The following ST6GAL1 variants were observed in gnomAD, a reference collection of about 807,000 sequenced individuals.
The protein encoded by ST6GAL1 is beta-galactoside alpha-2,6-sialyltransferase 1.
A neutral mutation model predicts 38.0 loss-of-function variants in ST6GAL1; 20 were observed. The ratio of observed to expected loss-of-function variants is 0.53; its 90% confidence interval spans 0.37 to 0.77. The LOEUF (loss-of-function observed/expected upper bound fraction) is 0.77, where lower values mean the gene tolerates loss of function less well. Ranked by LOEUF, ST6GAL1 falls within the 30% of genes least tolerant of loss-of-function variation. ST6GAL1 has a pLI of 0.00. For missense variants in ST6GAL1, 432 were observed against 496.4 expected, an observed-to-expected ratio of 0.87 and a Z score of 1.23; for synonymous variants, 196 against 188.2, an observed-to-expected ratio of 1.04 and a Z score of -0.34.
intron 5 of ST6GAL1, among the ~76,000 whole-genome samples, chr3:187,052,293 A>G (rs976380566): frequency 6.6e-6 from 1 of 152,052 alleles, no homozygotes; most frequent in African/African-American, 2.4e-5. Context: ...CCACAACCTT[A>G]AGAAACTTTT....
At chr3:187,072,197 C>T (rs1465099554) in intron 5 of ST6GAL1, 1 of 153,034 alleles carries the variant, frequency 6.5e-6, no homozygotes, top group Admixed American at 6.5e-5. Context: ...CCTCAGCCAG[C>T]AGAGGCACAC....
intron 5 of ST6GAL1, among the ~76,000 whole-genome samples, chr3:187,069,724 T>C (rs1409577560): frequency 6.6e-6 from 1 of 152,204 alleles, no homozygotes; most frequent in Non-Finnish European, 1.5e-5. Flanking sequence ...GCTCCCTGGC[T>C]TGGCCTCTGT....
chr3:187,022,217 G>A (rs1717340280), intron 2 of ST6GAL1, among the ~76,000 whole-genome samples: 1 of 152,128 alleles, frequency 6.6e-6, no homozygotes, highest in Non-Finnish European at 1.5e-5. Flanking sequence ...CTGAATTAGA[G>A]GACACCAAGC....
chr3:187,003,388 C>T (rs568025136), intron 2 of ST6GAL1, among the ~76,000 whole-genome samples: 2 of 152,208 alleles, frequency 1.3e-5, no homozygotes, highest in Non-Finnish European at 2.9e-5. Flanking sequence ...CTCATTGAAA[C>T]ACCCAGAATA....
At chr3:186,955,958 G>A (rs1010988812) in intron 1 of ST6GAL1, among the ~76,000 whole-genome samples, 2 of 152,062 alleles carry the variant, frequency 1.3e-5, no homozygotes, top group African/African-American at 4.8e-5. Flanking sequence ...TGTTTTGCTG[G>A]TGTATAGGAA....
At chr3:187,049,538 C>T (rs780235672) in intron 4 of ST6GAL1, among the ~76,000 whole-genome samples, 11 of 152,306 alleles carry the variant, frequency 7.2e-5, no homozygotes, top group Non-Finnish European at 1.5e-4. Context: ...CTAAAGGCAA[C>T]AGCTCCCGAC....
chr3:186,956,339 A>G (rs1714749720), intron 1 of ST6GAL1, among the ~76,000 whole-genome samples: 1 of 152,214 alleles, frequency 6.6e-6, no homozygotes, highest in African/African-American at 2.4e-5. Context: ...GAGGCTATTT[A>G]TAAATCTATG....
chr3:186,984,592 C>A (rs541344341), intron 2 of ST6GAL1, among the ~76,000 whole-genome samples: 1 of 152,266 alleles, frequency 6.6e-6, no homozygotes, highest in South Asian at 2.1e-4. Context: ...TTGTGGGACT[C>A]ATTCCTCCAC....
At chr3:187,074,525 A>G (rs1719495810) in intron 7 of ST6GAL1, among the ~76,000 whole-genome samples, 192 bp downstream of exon 7, 2 of 152,188 alleles carry the variant, frequency 1.3e-5, no homozygotes, top group African/African-American at 4.8e-5. Flanking sequence ...CTTTTTCCTG[A>G]GGGCATCTAT....
Position 187,075,423 on chromosome 3 carries a change from G to A in ST6GAL1, c.980-139G>A. On this transcript the variant is annotated intron_variant, in intron 7 of 7. Transcript: ENST00000169298. This position sits in a 1 kb window ranked among gnomAD's most constrained non-coding sequence, Gnocchi z 4.1. The stretch of plus-strand genomic sequence containing the variant: ...GGCTTGGCTTGCTGAAACTTAGATT[G>A]GGAATCACAGTCATAAATAGAAACT... 1.5e-6 allele frequency: 2 copies of A among 1,305,812 alleles called. No individual in the cohort carries two copies. Among genetic ancestry groups the A allele is most frequent in the South Asian group, 2.9e-5 (2 of 69,514 alleles). The allele number at this position is 1,305,812 out of a possible 1,614,324, so 80.9% of individuals were successfully genotyped here.
chr3:187,025,661 A>T (rs568369778), intron 2 of ST6GAL1: 1 of 152,298 alleles, frequency 6.6e-6, no homozygotes, highest in African/African-American at 2.4e-5. Context: ...TATGAATACA[A>T]GTCTGTCTGT....
chr3:186,977,935 C>G (rs969387114), intron 2 of ST6GAL1, among the ~76,000 whole-genome samples: 1 of 152,124 alleles, frequency 6.6e-6, no homozygotes, highest in African/African-American at 2.4e-5. Context: ...CAGTCTCGGC[C>G]GGGCGTGGTG....
At chr3:186,935,339 C>T (rs1447954103) in intron 1 of ST6GAL1, among the ~76,000 whole-genome samples, 1 of 151,914 alleles carries the variant, frequency 6.6e-6, no homozygotes, top group Non-Finnish European at 1.5e-5. Context: ...GATATGATCT[C>T]ATTCTTTTTT....
chr3:187,025,088 A>G (rs1267094065), intron 2 of ST6GAL1, among the ~76,000 whole-genome samples: 4 of 150,954 alleles, frequency 2.6e-5, no homozygotes, highest in Non-Finnish European at 4.4e-5. Context: ...CAGGGGTGGT[A>G]CGATTCTGCC....
At chr3:186,997,247 T>C (rs1382701605) in intron 2 of ST6GAL1, among the ~76,000 whole-genome samples, 1 of 152,162 alleles carries the variant, frequency 6.6e-6, no homozygotes, top group African/African-American at 2.4e-5. Context: ...TCATACGTGT[T>C]ATCTCATGCA....
intron 2 of ST6GAL1, among the ~76,000 whole-genome samples, chr3:186,984,755 C>CTTCCTTCCTTCT: frequency 3.0e-5 from 1 of 33,874 alleles, no homozygotes; most frequent in Admixed American, 2.9e-4. Flanking sequence ...TCCCTCCCTC[C>CTTCCTTCCTTCT]CTCCCTCCCT....
intron 2 of ST6GAL1, among the ~76,000 whole-genome samples, chr3:187,004,651 C>CT (rs1168306542): frequency 6.6e-6 from 1 of 152,204 alleles, no homozygotes; most frequent in Non-Finnish European, 1.5e-5. Flanking sequence ...AAAGGATGCC[C>CT]TTTCAGCCAG....
intron 4 of ST6GAL1, 74 bp from the exon 5 acceptor site, chr3:187,051,175 C>T (rs554444017): frequency 6.0e-5 from 79 of 1,321,840 alleles, no homozygotes; most frequent in East Asian, 9.3e-5. Context: ...CCCCCTCCCC[C>T]GCCTCTCGTC....
At chr3:186,940,619 C>A (rs573467142) in intron 1 of ST6GAL1, among the ~76,000 whole-genome samples, 1 of 152,246 alleles carries the variant, frequency 6.6e-6, no homozygotes, top group African/African-American at 2.4e-5. Context: ...TTAATCTCAT[C>A]AGCTATCATT....
Sources: allele counts gnomAD v4.1 joint callset (sites outside exome capture counted in the v4.1 genomes callset), GRCh38; gene constraint gnomAD v4.1.1; non-coding constraint Gnocchi (gnomAD v3.1); transcripts MANE v1.5; gene names NCBI Gene and HGNC (gene_info 2026-07-23, HGNC 2026-07-21).